Variants in CR1L observed in about 807,000 individuals in gnomAD.
CR1L encodes the protein complement component receptor 1-like protein.
In CR1L, 59 loss-of-function variants were observed where a neutral mutation model predicts 62.3. The ratio of observed to expected loss-of-function variants is 0.95; its 90% CI spans 0.77 to 1.18. The LOEUF is 1.18. Among genes scored for constraint, CR1L ranks in the 50% most tolerant of loss-of-function variants. The pLI is 0.00. For missense variants in CR1L, 700 were observed against 702.8 expected (o/e 1.00, Z 0.04); for synonymous variants, 279 against 248.7 (o/e 1.12, Z -1.15).
intron 4 of CR1L, among the ~76,000 whole-genome samples, chr1:207,684,460 C>T (rs397832368): frequency 1.4e-4 from 22 of 152,146 alleles, no homozygotes; most frequent in South Asian, 2.1e-4. Context: ...CTTTTTAAAG[C>T]AGTTTGGTAT....
intron 1 of CR1L, among the ~76,000 whole-genome samples, chr1:207,672,110 C>A (rs1015792610): frequency 1.3e-5 from 2 of 150,568 alleles, no homozygotes; most frequent in African/African-American, 5.0e-5. Context: ...GATCAACAAA[C>A]AAAACTCAAC....
chr1:207,664,739 A>G (rs1312266188), intron 1 of CR1L, among the ~76,000 whole-genome samples: 2 of 152,206 alleles, frequency 1.3e-5, no homozygotes, highest in African/African-American at 2.4e-5. Context: ...GTTTATAAAA[A>G]AGAGAAACTA....
chr1:207,684,710 A>G (rs1663872943), intron 4 of CR1L, among the ~76,000 whole-genome samples: 1 of 152,198 alleles, frequency 6.6e-6, no homozygotes, highest in Non-Finnish European at 1.5e-5. Flanking sequence ...GACTAGAAAG[A>G]GATGTGTTTT....
At chr1:207,705,819 T>G (rs866623338) in intron 9 of CR1L, among the ~76,000 whole-genome samples, 2 of 151,682 alleles carry the variant, frequency 1.3e-5, no homozygotes, top group Non-Finnish European at 2.9e-5. Flanking sequence ...CAGGAGAAAT[T>G]TTACAAAAGA....
chr1:207,693,052 T>C (rs575236895), intron 4 of CR1L, among the ~76,000 whole-genome samples: 1 of 152,382 alleles, frequency 6.6e-6, no homozygotes, highest in Admixed American at 6.5e-5. Context: ...TTATTGTCTA[T>C]GTTTCCTGCT....
chr1:207,697,829 T>A lies in CR1L; in HGVS notation c.1098T>A (p.Leu366=), dbSNP rs762963265. The A allele has an allele frequency of 4.7e-5, 76 of 1,614,048 alleles. No individual in the cohort carries two copies. Among genetic ancestry groups the A allele is most frequent in the Middle Eastern group, 1.6e-4 (1 of 6,062 alleles). Reference sequence around the variant, plus strand: ...CTAATGGCCATGTGCTATTTCCACTTAATCTCCAGCTTGGAGCAAAAGTGG... The same window carrying A: ...CTAATGGCCATGTGCTATTTCCACTAAATCTCCAGCTTGGAGCAAAAGTGG... The part of the protein sequence containing the change: ...QLPNGHVLFP[L]NLQLGAKVDF... Residue 366 remains leucine (L), a synonymous_variant, in exon 7 of 12, where the codon CTT becomes CTA. Transcript: ENST00000508064.
chr1:207,662,778 T>C (rs1215799407), intron 1 of CR1L, among the ~76,000 whole-genome samples: 1 of 152,234 alleles, frequency 6.6e-6, no homozygotes, highest in Non-Finnish European at 1.5e-5. Flanking sequence ...CTTTGTAGTT[T>C]TATCTACCTT....
At position 207,717,521 on chromosome 1, in the gene CR1L, T is replaced by C. The variant is rs2796257; in HGVS notation, c.1472T>C (p.Leu491Pro). ...ILNGRHTGTP[L>P]GDIPYGKEVS... Reference sequence around the variant, plus strand: ...AATGGGAGACACACAGGAACTCCCCTTGGAGATATTCCCTATGGAAAAGAA... The same window carrying C: ...AATGGGAGACACACAGGAACTCCCCCTGGAGATATTCCCTATGGAAAAGAA... The change falls in exon 11 of 12, where the codon CTT becomes CCT. Residue 491 changes from leucine to proline, a missense_variant. Coordinates refer to ENST00000508064, the MANE Select transcript of CR1L (RefSeq NM_175710.2). The C allele has an allele frequency of 0.41, 657,478 of 1,613,390 alleles. 140,436 individuals carry two copies. The highest frequency in any genetic ancestry group is 0.51 in the Admixed American group (30,672 of 59,994).
chr1:207,715,180 G>A (rs1222255574), intron 10 of CR1L: 2 of 564,270 alleles, frequency 3.5e-6, no homozygotes, highest in Non-Finnish European at 6.7e-6. Flanking sequence ...CTTTTAGCTA[G>A]ACCTGAACCT....
chr1:207,712,134 G>A (rs4081159), intron 10 of CR1L, among the ~76,000 whole-genome samples: 92,710 of 152,030 alleles, frequency 0.61, 28,990 homozygotes, highest in East Asian at 0.87. Flanking sequence ...CCCTTCCAGA[G>A]TAAGCCCCAA....
At chr1:207,659,245 T>G (rs1267809506) in intron 1 of CR1L, 1 of 152,586 alleles carries the variant, frequency 6.6e-6, no homozygotes, top group African/African-American at 2.4e-5. Context: ...GCTCCTCTGC[T>G]GATTCCTGCA....
intron 10 of CR1L, among the ~76,000 whole-genome samples, chr1:207,712,043 G>A (rs1203045986): frequency 6.6e-6 from 1 of 152,216 alleles, no homozygotes; most frequent in Non-Finnish European, 1.5e-5. Flanking sequence ...GCCCTGCTCT[G>A]CAAAGGGCAA....
rs368878206 is a variant in CR1L at position 207,717,631 on chromosome 1, C to A, written c.1582C>A (p.Pro528Thr). 17 of 1,613,856 alleles carry A rather than the reference C, an allele frequency of 1.1e-5. No individual in the cohort carries two copies. In the South Asian group the frequency reaches 1.5e-4, roughly 15 times the overall value. ...GESTIRRTSEPHGNGVWSSPA... is the reference protein window; with the variant it reads ...GESTIRRTSETHGNGVWSSPA... ...GAGCACCATCCGCCGCACAAGTGAACCTCATGGGAATGGGGTTTGGAGCAG... is the reference window on the plus strand; with the variant it reads ...GAGCACCATCCGCCGCACAAGTGAAACTCATGGGAATGGGGTTTGGAGCAG... The change falls in exon 11 of 12, where the codon CCT becomes ACT. Residue 528 changes from proline to threonine, a missense_variant. Physicochemically the swap from Pro to Thr is conservative, Grantham distance 38. Transcript: ENST00000508064.
chr1:207,669,754 C>T (rs1346840513), intron 1 of CR1L, among the ~76,000 whole-genome samples: 4 of 151,312 alleles, frequency 2.6e-5, no homozygotes, highest in Non-Finnish European at 5.9e-5. Context: ...TGGAGACCCT[C>T]GCTGCCTCTA....
intron 9 of CR1L, among the ~76,000 whole-genome samples, chr1:207,703,289 T>A (rs1426159370): frequency 1.3e-5 from 2 of 152,198 alleles, no homozygotes; most frequent in Non-Finnish European, 2.9e-5. Context: ...AAGGATAGGC[T>A]GCCTTTTTAG....
At chr1:207,648,194 CACACACACACAG>C (rs1287548627) in intron 1 of CR1L, among the ~76,000 whole-genome samples, 22 of 105,672 alleles carry the variant, frequency 2.1e-4, no homozygotes, top group Admixed American at 1.9e-3. Context: ...CACACACACA[CACACACACACAG>C]ACACACACAC....
At chr1:207,661,337 G>A (rs1323530618) in intron 1 of CR1L, among the ~76,000 whole-genome samples, 1 of 152,126 alleles carries the variant, frequency 6.6e-6, no homozygotes, top group Non-Finnish European at 1.5e-5. Flanking sequence ...CCTGTATTGG[G>A]TGCATATATA....
intron 1 of CR1L, among the ~76,000 whole-genome samples, chr1:207,655,482 G>C (rs189820980): frequency 8.5e-5 from 13 of 152,086 alleles, no homozygotes; most frequent in Non-Finnish European, 1.5e-5. Context: ...TTTTGTTTTT[G>C]TTTTTCCTAA....
intron 10 of CR1L, 29 bp from the exon 11 acceptor site, chr1:207,717,435 G>C: frequency 6.2e-7 from 1 of 1,605,914 alleles, no homozygotes; most frequent in South Asian, 1.1e-5. Flanking sequence ...AACTCTAATA[G>C]AACTTAAAAG....
Sources: allele counts gnomAD v4.1 joint callset (sites outside exome capture counted in the v4.1 genomes callset), GRCh38; gene constraint gnomAD v4.1.1; transcripts MANE v1.5; gene names NCBI Gene and HGNC (gene_info 2026-07-23, HGNC 2026-07-21).